The following PCDHGB4 variants were observed in gnomAD, a reference collection of about 807,000 sequenced individuals.
The protein encoded by PCDHGB4 is protocadherin gamma-B4.
In PCDHGB4, 38 loss-of-function variants were observed where a neutral mutation model predicts 60.5. The observed-to-expected ratio is 0.63, with a 90% confidence interval of 0.48 to 0.82. The LOEUF is 0.82. Among genes scored for constraint, PCDHGB4 ranks in the 40% least tolerant of loss-of-function variants. The pLI, the probability that PCDHGB4 is intolerant of heterozygous loss-of-function variation, is 0.00. For missense variants in PCDHGB4, 1,109 were observed against 1,209.6 expected (o/e 0.92, Z 1.23); for synonymous variants, 456 against 509.7 (o/e 0.89, Z 1.42).
At chr5:141,404,107 T>C in intron 1 of PCDHGB4, 1 of 1,613,552 alleles carries the variant, frequency 6.2e-7, no homozygotes, top group Non-Finnish European at 8.5e-7. Flanking sequence ...TTGTCTGTTC[T>C]ATCCAGGAGA....
At position 141,431,424 on chromosome 5, in the gene PCDHGB4, G is replaced by A; in HGVS notation, c.2397+41143G>A. The A allele has an allele frequency of 1.9e-6, 3 of 1,613,676 alleles. No individual in the cohort carries two copies. The highest frequency in any genetic ancestry group is 2.5e-6 in the Non-Finnish European group (3 of 1,180,028). On this transcript the variant is annotated intron_variant, in intron 1 of 3. Coordinates refer to ENST00000519479, the MANE Select transcript of PCDHGB4 (RefSeq NM_003736.4). The surrounding 1 kb of genome is among the most constrained non-coding windows in gnomAD (Gnocchi z 4.8). ...GCCTCCGACGGGGGCGACCCGGTGC[G>A]CACAGGCACCGCGCGCATCCGCGTG... is the stretch of plus-strand genomic sequence containing the variant.
chr5:141,409,409 A>C, intron 1 of PCDHGB4: 4 of 1,614,046 alleles, frequency 2.5e-6, no homozygotes, highest in Non-Finnish European at 3.4e-6. Flanking sequence ...TAACTACTAC[A>C]AACTGGTGAC....
In PCDHGB4 at chr5:141,388,572, G is replaced by A; in HGVS notation, c.688G>A (p.Val230Ile). ...CCTAAGCAGCACTGCACAGATACAC[G>A]TTCTAGTGACTGATGCCAATGATAA... ...PPLSSTAQIHVLVTDANDNAP... is the reference protein window; with the variant it reads ...PPLSSTAQIHILVTDANDNAP... Residue 230 changes from valine to isoleucine, a missense_variant, in exon 1 of 4, where the codon GTT becomes ATT. Val to Ile is a conservative substitution (Grantham distance 29). Transcript: ENST00000519479. The A allele has an allele frequency of 3.7e-6, 6 of 1,613,808 alleles. No individual in the cohort carries two copies. Among genetic ancestry groups the A allele is most frequent in the South Asian group, 2.2e-5 (2 of 91,080 alleles).
intron 1 of PCDHGB4, chr5:141,427,865 G>T: frequency 6.4e-7 from 1 of 1,558,148 alleles, no homozygotes; most frequent in Non-Finnish European, 8.8e-7. Context: ...GCGCCTTCGA[G>T]CTCACGATGC....
Position 141,405,365 on chromosome 5 carries a change from C to T in PCDHGB4, c.2397+15084C>T, listed in dbSNP as rs773382376. 2.5e-6 allele frequency: 4 copies of T among 1,613,614 alleles called. No homozygotes were observed. The Admixed American group carries it at 5.0e-5, about 20-fold the overall frequency. On this transcript the variant is annotated intron_variant, in intron 1 of 3. Transcript: ENST00000519479. ...TTCCAAGTTTCCTATAGAAGACACC[C>T]CTTTGGTTCCGGTGAGTTCATTTTT...
rs754530973 is a variant in PCDHGB4 at position 141,413,859 on chromosome 5, C to T, written c.2397+23578C>T. 11 of 1,613,248 alleles carry T rather than the reference C, an allele frequency of 6.8e-6. No individual in the cohort carries two copies. The Admixed American group carries it at 1.7e-4, about 24-fold the overall frequency. On this transcript the variant is annotated intron_variant, in intron 1 of 3. Transcript: ENST00000519479. ...ACGGGGGTGACCCTCTCCGATCTGG[C>T]ACTGTCCTTGTCAGTGTGACTGTCT...
At chr5:141,433,847 A>AAAAAAAC (rs1296633381) in intron 1 of PCDHGB4, among the ~76,000 whole-genome samples, 1 of 151,976 alleles carries the variant, frequency 6.6e-6, no homozygotes, top group Non-Finnish European at 1.5e-5. Flanking sequence ...CAAAAAAAAA[A>AAAAAAAC]AAAAAAAACT....
chr5:141,505,402 T>G lies in PCDHGB4; in HGVS notation c.2466T>G (p.Asn822Lys), dbSNP rs1216666169. 1.9e-6 allele frequency: 3 copies of G among 1,614,014 alleles called. No homozygotes were observed. Among genetic ancestry groups the G allele is most frequent in the Non-Finnish European group, 2.5e-6 (3 of 1,180,034 alleles). Residue 822 changes from asparagine (N) to lysine (K), a missense_variant, in exon 3 of 4, where the codon AAT (asparagine) becomes AAG (lysine). This residue lies in a region of PCDHGB4 where 1,068 missense variants were observed against 1,089.9 expected (regional missense o/e 0.98). Coordinates refer to ENST00000519479, the MANE Select transcript of PCDHGB4 (RefSeq NM_003736.4). The part of the protein sequence containing the change: ...AQRPGTSGSQ[N>K]GDDTGTWPNN... ...CCTACTCTCTCCCCAGCTCCCAAAA[T>G]GGCGATGACACCGGCACCTGGCCCA...
chr5:141,423,170 A>T (rs755141371), intron 1 of PCDHGB4: 1 of 1,613,504 alleles, frequency 6.2e-7, no homozygotes, highest in South Asian at 1.1e-5. Flanking sequence ...GTGGCCGTCC[A>T]GGACCACGGC....
chr5:141,485,922 G>C lies in PCDHGB4; in HGVS notation c.2398-8885G>C. 6.2e-7 allele frequency: 1 copy of C among 1,614,170 alleles called. No individual in the cohort carries two copies. The highest frequency in any genetic ancestry group is 8.5e-7 in the Non-Finnish European group (1 of 1,180,036). On this transcript the variant is annotated intron_variant, in intron 1 of 3. Transcript: ENST00000519479. This position sits in a 1 kb window ranked among gnomAD's most constrained non-coding sequence, Gnocchi z 5.7. The stretch of plus-strand genomic sequence containing the variant: ...TTCCAGCAATCCAGCTACAGGATTA[G>C]TGTGTTGGAGAGCGCACCAGCGGGC...
chr5:141,410,115 C>T, intron 1 of PCDHGB4: 1 of 1,612,624 alleles, frequency 6.2e-7, no homozygotes. Context: ...AGGGACGCAG[C>T]CCGCCAGCGC....
chr5:141,499,322 T>C (rs1186220818), intron 2 of PCDHGB4, among the ~76,000 whole-genome samples: 1 of 152,218 alleles, frequency 6.6e-6, no homozygotes, highest in Non-Finnish European at 1.5e-5. Context: ...ACAGTATCCC[T>C]GCTCTCTCTC....
In PCDHGB4 at chr5:141,390,051, A is replaced by C; in HGVS notation, c.2167A>C (p.Ser723Arg). The C allele has an allele frequency of 6.2e-7, 1 of 1,613,978 alleles. No individual in the cohort carries two copies. Among genetic ancestry groups the C allele is most frequent in the Non-Finnish European group, 8.5e-7 (1 of 1,179,898 alleles). ...ACGCTCCTCCAGCCCCGCCTCCTGG[A>C]GCTGCTTCCAGCCTGGTCTCTGTGT... ...LRRSSSPASW[S>R]CFQPGLCVKS... Residue 723 changes from serine to arginine, a missense_variant, in exon 1 of 4, where the codon AGC becomes CGC. This residue lies in a region of PCDHGB4 where 1,068 missense variants were observed against 1,089.9 expected (regional missense o/e 0.98). Transcript: ENST00000519479.
At chr5:141,421,206 G>A in intron 1 of PCDHGB4, 1 of 1,531,730 alleles carries the variant, frequency 6.5e-7, no homozygotes, top group Non-Finnish European at 8.8e-7. Context: ...AGAAACCGCG[G>A]AATATCGGCT....
intron 1 of PCDHGB4, chr5:141,422,532 A>G (rs752364905): frequency 6.2e-7 from 1 of 1,614,030 alleles, no homozygotes; most frequent in South Asian, 1.1e-5. Flanking sequence ...CTTTGTCTGC[A>G]GAAACTCATG....
At position 141,490,171 on chromosome 5, in the gene PCDHGB4, G is replaced by A. The variant is rs374421995; in HGVS notation, c.2398-4636G>A. 4 of 1,614,100 alleles carry A rather than the reference G, an allele frequency of 2.5e-6. No individual in the cohort carries two copies. The highest frequency in any genetic ancestry group is 3.4e-6 in the Non-Finnish European group (4 of 1,180,034). On this transcript the variant is annotated intron_variant, in intron 1 of 3. Coordinates refer to ENST00000519479, the MANE Select transcript of PCDHGB4 (RefSeq NM_003736.4). The surrounding 1 kb of genome is among the most constrained non-coding windows in gnomAD (Gnocchi z 5.4). ...CCATGTGTTGGGTCCCATAGACTTT[G>A]AGGAGTCACGTTTCTATGAAATTCA...
chr5:141,497,122 G>A (rs1407489807), intron 2 of PCDHGB4, among the ~76,000 whole-genome samples: 1 of 151,992 alleles, frequency 6.6e-6, no homozygotes, highest in East Asian at 1.9e-4. Flanking sequence ...GAAGGCAGAG[G>A]TTGCAGTGAG....
intron 1 of PCDHGB4, among the ~76,000 whole-genome samples, chr5:141,494,199 G>A (rs1033914239): frequency 1.3e-5 from 2 of 152,160 alleles, no homozygotes; most frequent in South Asian, 2.1e-4. Context: ...TGGATGCCCC[G>A]CAAAGGCCCA....
At chr5:141,430,883 G>T in intron 1 of PCDHGB4, 1 of 1,601,036 alleles carries the variant, frequency 6.2e-7, no homozygotes, top group Non-Finnish European at 8.5e-7. Context: ...GCTGGAGAAA[G>T]GCTCTAGGGT....
Sources: gnomAD v4.1 joint callset for allele counts (sites outside exome capture counted in the v4.1 genomes callset) on GRCh38, gnomAD v4.1.1 for gene constraint, gnomAD v4.1.1 regional missense constraint, Gnocchi (gnomAD v3.1) non-coding constraint, MANE v1.5 for transcripts, NCBI Gene and HGNC (gene_info 2026-07-23, HGNC 2026-07-21) for gene names.